The following LINGO2 variants were observed in gnomAD, a reference collection of about 807,000 sequenced individuals.
LINGO2 encodes leucine rich repeat and Ig domain containing 2, also known as leucine-rich repeat and immunoglobulin-like domain-containing nogo receptor-interacting protein 2.
Under a neutral mutation model 30.6 loss-of-function variants are expected in LINGO2, and 14 were observed. That is an observed-to-expected ratio of 0.46 (90% confidence interval 0.30 to 0.72). The LOEUF is 0.72. Among genes scored for constraint, LINGO2 ranks in the 30% least tolerant of loss-of-function variants. LINGO2 has a pLI of 0.07. For synonymous variants in LINGO2, 317 were observed against 288.5 expected (o/e 1.10, Z -1.00); for missense variants, 729 against 751.7 (o/e 0.97, Z 0.35).
chr9:27,949,388 G>A (rs1823513516), exon 6 of LINGO2: 5 of 1,613,992 alleles, frequency 3.1e-6, no homozygotes, highest in Non-Finnish European at 4.2e-6. Context: ...ATTCTAGCTG[G>A]ACTGTCTGCC....
chr9:29,116,850 C>T, the LINGO2 span, among the ~76,000 whole-genome samples: 9 of 152,124 alleles, frequency 5.9e-5, no homozygotes, highest in South Asian at 1.9e-3. Context: ...AAAATCTCTA[C>T]CTATTTACAA....
chr9:28,194,086 G>A (rs564646852), intron 4 of LINGO2, among the ~76,000 whole-genome samples: 1 of 152,282 alleles, frequency 6.6e-6, no homozygotes, highest in East Asian at 1.9e-4. Context: ...TTCAAAGGGA[G>A]AGGACACAGG....
chr9:28,882,645 T>G, the LINGO2 span, among the ~76,000 whole-genome samples: 1 of 152,150 alleles, frequency 6.6e-6, no homozygotes, highest in Non-Finnish European at 1.5e-5. Context: ...ATTATAACCA[T>G]CTCACACATG....
chr9:28,566,378 C>T (rs977064593), intron 1 of LINGO2, among the ~76,000 whole-genome samples: 7 of 152,128 alleles, frequency 4.6e-5, no homozygotes, highest in African/African-American at 1.7e-4. Context: ...TAGAATTTGC[C>T]ATCAAACAAC....
At chr9:28,383,849 G>C (rs1023966072) in intron 2 of LINGO2, among the ~76,000 whole-genome samples, 2 of 151,960 alleles carry the variant, frequency 1.3e-5, no homozygotes, top group Admixed American at 1.3e-4. Flanking sequence ...CATCTGTTTT[G>C]TATATGCACT....
chr9:28,544,858 T>C (rs914828110), intron 1 of LINGO2, among the ~76,000 whole-genome samples: 2 of 151,072 alleles, frequency 1.3e-5, no homozygotes, highest in African/African-American at 4.8e-5. Context: ...TCCATGGGTC[T>C]CTTGTTTTTG....
intron 3 of LINGO2, among the ~76,000 whole-genome samples, chr9:28,301,937 G>C: frequency 6.6e-6 from 1 of 152,058 alleles, no homozygotes; most frequent in Non-Finnish European, 1.5e-5. Flanking sequence ...CATTCTTAAA[G>C]AAAAAATCTT....
At chr9:28,959,632 A>T in the LINGO2 span, among the ~76,000 whole-genome samples, 2 of 151,610 alleles carry the variant, frequency 1.3e-5, no homozygotes, top group Non-Finnish European at 2.9e-5. Context: ...ACACACACAC[A>T]CACACACACA....
At chr9:29,207,026 T>C in the LINGO2 span, among the ~76,000 whole-genome samples, 2 of 151,950 alleles carry the variant, frequency 1.3e-5, no homozygotes, top group Non-Finnish European at 2.9e-5. Flanking sequence ...TGTGTGTGTG[T>C]GTGTGTATGT....
intron 1 of LINGO2, among the ~76,000 whole-genome samples, chr9:28,617,828 G>A (rs1474169159): frequency 6.6e-6 from 1 of 151,898 alleles, no homozygotes; most frequent in Non-Finnish European, 1.5e-5. Flanking sequence ...CTAAGGCTGG[G>A]CAAGACTAAA....
At chr9:28,865,709 G>T in the LINGO2 span, among the ~76,000 whole-genome samples, 3 of 152,026 alleles carry the variant, frequency 2.0e-5, no homozygotes, top group Non-Finnish European at 4.4e-5. Context: ...TCTTTAACCC[G>T]GGAGGCAGAG....
intron 1 of LINGO2, among the ~76,000 whole-genome samples, chr9:28,647,473 T>C (rs997010830): frequency 3.3e-5 from 5 of 152,146 alleles, no homozygotes; most frequent in Admixed American, 1.3e-4. Context: ...ATGTTTTCTG[T>C]CTCTAGACAT....
At chr9:29,160,353 C>T in the LINGO2 span, among the ~76,000 whole-genome samples, 1 of 152,192 alleles carries the variant, frequency 6.6e-6, no homozygotes, top group Non-Finnish European at 1.5e-5. Context: ...CCACCATTTA[C>T]TAGCTGTGGC....
intron 4 of LINGO2, among the ~76,000 whole-genome samples, chr9:28,026,645 A>G (rs1242470185): frequency 6.6e-6 from 1 of 152,186 alleles, no homozygotes; most frequent in Non-Finnish European, 1.5e-5. Flanking sequence ...GCAAGTTCTT[A>G]TATTTTCAAG....
At chr9:28,933,768 T>C in the LINGO2 span, among the ~76,000 whole-genome samples, 4 of 152,206 alleles carry the variant, frequency 2.6e-5, no homozygotes, top group African/African-American at 4.8e-5. Flanking sequence ...CGCCCAACAA[T>C]TGCTTGTCCA....
At chr9:27,946,189 T>C (rs1022691318), downstream of LINGO2, among the ~76,000 whole-genome samples, 1 of 152,228 alleles carries the variant, frequency 6.6e-6, no homozygotes, top group East Asian at 1.9e-4. Flanking sequence ...TTAAACAGGA[T>C]TCCTGTTTAC....
At chr9:27,938,755 A>G in the LINGO2 span, 1 of 152,174 alleles carries the variant, frequency 6.6e-6, no homozygotes, top group Non-Finnish European at 1.5e-5. Flanking sequence ...TAAGGTTTAA[A>G]CCACAGTTTG....
At chr9:28,714,519 T>C in the LINGO2 span, among the ~76,000 whole-genome samples, 5 of 152,088 alleles carry the variant, frequency 3.3e-5, no homozygotes, top group Non-Finnish European at 5.9e-5. Flanking sequence ...TTGTCACGTG[T>C]TGAAGATGGC....
At chr9:28,682,884 A>AT in the LINGO2 span, among the ~76,000 whole-genome samples, 27 of 152,174 alleles carry the variant, frequency 1.8e-4, no homozygotes, top group Admixed American at 6.5e-4. Flanking sequence ...TTTTTTTATT[A>AT]TTTTTAAAAC....
Sources: gnomAD v4.1 joint callset for allele counts (sites outside exome capture counted in the v4.1 genomes callset) on GRCh38, gnomAD v4.1.1 for gene constraint, MANE v1.5 for transcripts, NCBI Gene and HGNC (gene_info 2026-07-23, HGNC 2026-07-21) for gene names.